The following LRMDA variants were observed in gnomAD, a reference collection of about 807,000 sequenced individuals.
LRMDA encodes the protein leucine-rich melanocyte differentiation-associated protein.
A neutral mutation model predicts 29.8 loss-of-function variants in LRMDA; 18 were observed. That is an observed-to-expected ratio of 0.60 (90% CI 0.42 to 0.90). LRMDA has a LOEUF of 0.90. Ranked by LOEUF, LRMDA falls within the 40% of genes least tolerant of loss-of-function variation. The pLI, the probability that LRMDA is intolerant of heterozygous loss-of-function variation, is 0.00. For synonymous variants in LRMDA, 125 were observed against 109.4 expected (o/e 1.14, Z -0.89); for missense variants, 273 against 273.9 (o/e 1.00, Z 0.02).
intron 5 of LRMDA, among the ~76,000 whole-genome samples, chr10:76,172,919 C>T (rs1241451048): frequency 1.3e-5 from 2 of 152,110 alleles, no homozygotes; most frequent in East Asian, 3.9e-4. Context: ...AGAAATATGA[C>T]CCAAAATGGG....
At chr10:75,669,202 A>C (rs1841861871) in intron 2 of LRMDA, among the ~76,000 whole-genome samples, 1 of 152,214 alleles carries the variant, frequency 6.6e-6, no homozygotes, top group African/African-American at 2.4e-5. Flanking sequence ...TCCTGAGGGT[A>C]TGAGTTTGCT....
At chr10:76,460,439 T>C (rs1424800009) in intron 6 of LRMDA, among the ~76,000 whole-genome samples, 1 of 152,250 alleles carries the variant, frequency 6.6e-6, no homozygotes, top group Non-Finnish European at 1.5e-5. Context: ...AGAATTGCTG[T>C]GTGTCTGATG....
intron 5 of LRMDA, among the ~76,000 whole-genome samples, chr10:76,074,130 C>T (rs772881017): frequency 5.3e-5 from 8 of 152,188 alleles, no homozygotes; most frequent in Non-Finnish European, 1.0e-4. Flanking sequence ...AATCTATCCA[C>T]ACTTCTCAGG....
At chr10:75,650,486 C>CT (rs112063123) in intron 2 of LRMDA, among the ~76,000 whole-genome samples, 24,655 of 149,210 alleles carry the variant, frequency 0.17, 6,304 homozygotes, top group African/African-American at 0.55. Flanking sequence ...AAATTATTGA[C>CT]TTTTTTTTTT....
chr10:75,528,830 C>G (rs1845443713), intron 2 of LRMDA, among the ~76,000 whole-genome samples: 1 of 152,034 alleles, frequency 6.6e-6, no homozygotes, highest in Admixed American at 6.6e-5. Flanking sequence ...GTATTAATAT[C>G]CTTGGAGAGA....
At chr10:76,515,849 T>C (rs1843055541) in intron 6 of LRMDA, among the ~76,000 whole-genome samples, 1 of 152,184 alleles carries the variant, frequency 6.6e-6, no homozygotes. Flanking sequence ...TAATTATTGT[T>C]AGTGCATTTC....
intron 2 of LRMDA, among the ~76,000 whole-genome samples, chr10:75,804,888 G>A (rs911682723): frequency 2.6e-5 from 4 of 152,170 alleles, no homozygotes; most frequent in Non-Finnish European, 5.9e-5. Flanking sequence ...TTGACATGGC[G>A]GGTTCTGAGA....
At chr10:75,455,733 G>A (rs536184918) in intron 2 of LRMDA, among the ~76,000 whole-genome samples, 23 of 152,314 alleles carry the variant, frequency 1.5e-4, no homozygotes, top group African/African-American at 4.3e-4. Flanking sequence ...ATTGCCAGGA[G>A]TATAATAGAG....
chr10:75,901,090 G>C (rs1420761206), intron 2 of LRMDA, among the ~76,000 whole-genome samples: 1 of 152,160 alleles, frequency 6.6e-6, no homozygotes, highest in Admixed American at 6.5e-5. Flanking sequence ...AGACAGAGAG[G>C]GAAAGGGAGA....
At chr10:75,913,380 C>G (rs1413299873) in intron 2 of LRMDA, among the ~76,000 whole-genome samples, 1 of 152,132 alleles carries the variant, frequency 6.6e-6, no homozygotes, top group African/African-American at 2.4e-5. Context: ...TCGCTTGAAC[C>G]AAGAGGCAGA....
At chr10:76,026,002 GT>G (rs1187445495) in intron 2 of LRMDA, among the ~76,000 whole-genome samples, 1 of 152,102 alleles carries the variant, frequency 6.6e-6, no homozygotes, top group African/African-American at 2.4e-5. Flanking sequence ...AGCTATAGAG[GT>G]GTACCCCAAG....
chr10:75,913,899 T>C (rs920345607), intron 2 of LRMDA, among the ~76,000 whole-genome samples: 8 of 152,204 alleles, frequency 5.3e-5, no homozygotes, highest in Non-Finnish European at 8.8e-5. Flanking sequence ...ATGAATCCCT[T>C]GTGAGCTTAT....
intron 2 of LRMDA, among the ~76,000 whole-genome samples, chr10:75,827,174 G>C (rs563521678): frequency 6.6e-6 from 1 of 152,226 alleles, no homozygotes; most frequent in South Asian, 2.1e-4. Context: ...CGTGCTCAGG[G>C]GACTGCTTTT....
At chr10:76,085,036 G>A (rs1288137150) in intron 5 of LRMDA, among the ~76,000 whole-genome samples, 1 of 152,184 alleles carries the variant, frequency 6.6e-6, no homozygotes, top group Non-Finnish European at 1.5e-5. Context: ...GGGATTCAGA[G>A]GGCCTGGGGT....
At chr10:76,552,629 T>G (rs1404501083) in intron 6 of LRMDA, among the ~76,000 whole-genome samples, 1 of 152,242 alleles carries the variant, frequency 6.6e-6, no homozygotes, top group Admixed American at 6.5e-5. Context: ...CCCCTTGCCC[T>G]TGTTTTACAA....
chr10:76,327,187 G>A (rs1840845920), intron 6 of LRMDA, among the ~76,000 whole-genome samples: 2 of 151,694 alleles, frequency 1.3e-5, no homozygotes, highest in Non-Finnish European at 1.5e-5. Flanking sequence ...CGCCTCCTGG[G>A]TTCAAGCGAT....
chr10:76,483,541 T>C (rs1842753147), intron 6 of LRMDA, among the ~76,000 whole-genome samples: 1 of 151,828 alleles, frequency 6.6e-6, no homozygotes, highest in Non-Finnish European at 1.5e-5. Flanking sequence ...GGGGCTCCAG[T>C]GTATAGGGAC....
chr10:75,656,830 G>A (rs374373461), intron 2 of LRMDA, among the ~76,000 whole-genome samples: 1 of 152,318 alleles, frequency 6.6e-6, no homozygotes, highest in South Asian at 2.1e-4. Flanking sequence ...ACAGATTGTA[G>A]ATTAACATGC....
chr10:76,431,744 C>T (rs1000003889), intron 6 of LRMDA, among the ~76,000 whole-genome samples: 2 of 152,146 alleles, frequency 1.3e-5, no homozygotes, highest in East Asian at 3.9e-4. Context: ...GTTGTGTCCC[C>T]ACCTAATTCT....
Sources: allele counts gnomAD v4.1 joint callset (sites outside exome capture counted in the v4.1 genomes callset), GRCh38; gene constraint gnomAD v4.1.1; transcripts MANE v1.5; gene names NCBI Gene and HGNC (gene_info 2026-07-23, HGNC 2026-07-21).